Variants in PPFIA2 observed in about 807,000 individuals in gnomAD.
The protein encoded by PPFIA2 is liprin-alpha-2.
PPFIA2 carries 46 observed loss-of-function variants against 175.5 expected under a neutral mutation model. The observed-to-expected ratio is 0.26, with a 90% CI of 0.21 to 0.34. PPFIA2 has a LOEUF of 0.34. PPFIA2 is among the 10% of genes least tolerant of loss of function. The probability of loss-of-function intolerance (pLI) is 1.00; values close to 1 mark genes in which losing one functional copy is unlikely to be tolerated. For synonymous variants in PPFIA2, 568 were observed against 511.4 expected, an observed-to-expected ratio of 1.11 and a Z score of -1.49; for missense variants, 1,179 against 1,506.1, an observed-to-expected ratio of 0.78 and a Z score of 3.60.
chr12:81,644,222 G>C (rs767172500), intron 4 of PPFIA2, among the ~76,000 whole-genome samples: 1 of 151,838 alleles, frequency 6.6e-6, no homozygotes, highest in Non-Finnish European at 1.5e-5. Context: ...CTCAGTATGG[G>C]TAAATGATGC....
At position 81,327,731 on chromosome 12, in the gene PPFIA2, C is replaced by T. The variant is rs916905159; in HGVS notation, c.2549-1861G>A. Among the ~76,000 whole-genome samples the T allele has an allele frequency of 3.3e-5, 5 of 151,402 alleles. No homozygotes were observed. The East Asian group carries it at 9.7e-4, about 29-fold the overall frequency. Reference sequence around the variant, plus strand: ...TATGATTTAAATTTATTCATATACCCAAAATTTTAATAGAAAAAAATCACA... The same window carrying T: ...TATGATTTAAATTTATTCATATACCTAAAATTTTAATAGAAAAAAATCACA... On this transcript the variant is annotated intron_variant, in intron 21 of 32. Transcript: ENST00000549396.
intron 30 of PPFIA2, 54 bp downstream of exon 30, chr12:81,266,898 C>A: frequency 8.0e-7 from 1 of 1,252,162 alleles, no homozygotes; most frequent in South Asian, 1.3e-5. Context: ...CAAAGATGTT[C>A]TATCATTTTT....
chr12:81,506,953 CA>C (rs1480389464), intron 4 of PPFIA2, among the ~76,000 whole-genome samples: 1 of 152,224 alleles, frequency 6.6e-6, no homozygotes, highest in African/African-American at 2.4e-5. Flanking sequence ...CATGGTTACA[CA>C]AGAGAATAAG....
chr12:81,490,628 C>A (rs2059327389), intron 4 of PPFIA2, among the ~76,000 whole-genome samples: 1 of 151,914 alleles, frequency 6.6e-6, no homozygotes, highest in African/African-American at 2.4e-5. Context: ...GCCTTGACTG[C>A]AGGAGGAAAA....
Position 81,356,359 on chromosome 12 carries a change from A to G in PPFIA2, c.1773+1723T>C, listed in dbSNP as rs2060851555. On this transcript the variant is annotated intron_variant, in intron 16 of 32. Coordinates refer to ENST00000549396, the MANE Select transcript of PPFIA2 (RefSeq NM_003625.5). ...ATAACAGATATAATAATAATAATAA[A>G]AGTTTGAAATATTTCGAGAACTGGT... 3.3e-5 allele frequency among the ~76,000 whole-genome samples: 5 copies of G among 151,992 alleles called. No individual in the cohort carries two copies. In the South Asian group the frequency reaches 8.3e-4, roughly 25 times the overall value.
chr12:81,555,416 G>A (rs1389591391), intron 4 of PPFIA2, among the ~76,000 whole-genome samples: 1 of 151,886 alleles, frequency 6.6e-6, no homozygotes, highest in Non-Finnish European at 1.5e-5. Context: ...TTAGTCAAAT[G>A]ACATTTTATT....
chr12:81,611,259 G>A (rs2400957), intron 4 of PPFIA2, among the ~76,000 whole-genome samples: 10,073 of 152,076 alleles, frequency 0.066, 528 homozygotes, highest in East Asian at 0.31. Context: ...ATGCCGCACC[G>A]TTTATGAACC....
chr12:81,709,460 C>T (rs2077609951), intron 3 of PPFIA2, among the ~76,000 whole-genome samples: 1 of 151,918 alleles, frequency 6.6e-6, no homozygotes, highest in South Asian at 2.1e-4. Context: ...ATAATAACTG[C>T]CATAAACAAA....
At chr12:81,466,668 A>C (rs1254047450) in intron 4 of PPFIA2, among the ~76,000 whole-genome samples, 1 of 151,890 alleles carries the variant, frequency 6.6e-6, no homozygotes, top group Non-Finnish European at 1.5e-5. Context: ...GCTTGTTTTT[A>C]AACCCTGGAG....
intron 3 of PPFIA2, among the ~76,000 whole-genome samples, chr12:81,690,234 G>T (rs1264848877): frequency 6.6e-6 from 1 of 152,024 alleles, no homozygotes; most frequent in Non-Finnish European, 1.5e-5. Context: ...CTCAATTTTA[G>T]CTTTGGTCCA....
intron 21 of PPFIA2, among the ~76,000 whole-genome samples, chr12:81,328,240 T>G (rs1049153059): frequency 6.6e-6 from 1 of 152,102 alleles, no homozygotes; most frequent in Admixed American, 6.6e-5. Flanking sequence ...CCAGTGAGAG[T>G]CTGTCTCATT....
intron 4 of PPFIA2, among the ~76,000 whole-genome samples, chr12:81,588,427 G>A (rs1185386177): frequency 6.6e-6 from 1 of 151,944 alleles, no homozygotes; most frequent in Non-Finnish European, 1.5e-5. Flanking sequence ...CTCTGCTAAA[G>A]CCATTTCATC....
chr12:81,367,082 G>T, intron 14 of PPFIA2, 26 bp downstream of exon 14: 1 of 1,452,792 alleles, frequency 6.9e-7, no homozygotes, highest in South Asian at 1.4e-5. Context: ...TAGAAAATGG[G>T]CCCAAAACAT....
At chr12:81,579,440 C>T (rs751551411) in intron 4 of PPFIA2, among the ~76,000 whole-genome samples, 1 of 151,770 alleles carries the variant, frequency 6.6e-6, no homozygotes, top group South Asian at 2.1e-4. Flanking sequence ...TAGGAAGAGA[C>T]GAATATCATT....
intron 4 of PPFIA2, among the ~76,000 whole-genome samples, chr12:81,606,075 G>C (rs976261458): frequency 2.6e-5 from 4 of 151,816 alleles, no homozygotes; most frequent in African/African-American, 9.7e-5. Context: ...GCAGTATTTG[G>C]TTTTCTGTTT....
At position 81,453,869 on chromosome 12, in the gene PPFIA2, A is replaced by G. The variant is rs549867757; in HGVS notation, c.405+3896T>C. ...TCAGCTTTGACCTCAGAATAAAAACATAGCAGATTGACTTTCCACATGACT... is the reference window on the plus strand; with the variant it reads ...TCAGCTTTGACCTCAGAATAAAAACGTAGCAGATTGACTTTCCACATGACT... On this transcript the variant is annotated intron_variant, in intron 5 of 32. Transcript: ENST00000549396. Among the ~76,000 whole-genome samples, 5 of 152,316 alleles carry G rather than the reference A, an allele frequency of 3.3e-5. No homozygotes were observed. The South Asian group carries it at 1.0e-3, about 32-fold the overall frequency.
In PPFIA2 at chr12:81,261,850, T is replaced by C; in HGVS notation, c.*33+99A>G. Reference sequence around the variant, plus strand: ...CAAAAGGGTTATCTCATTTCTGTACTGCTAGGGCATACCAAAGAGTATAGT... The same window carrying C: ...CAAAAGGGTTATCTCATTTCTGTACCGCTAGGGCATACCAAAGAGTATAGT... On this transcript the variant is annotated intron_variant, in intron 32 of 32. Transcript: ENST00000549396. 8.0e-6 allele frequency: 6 copies of C among 751,542 alleles called. No homozygotes were observed. In the Middle Eastern group the frequency reaches 1.5e-3, roughly 183 times the overall value. 46.6% of individuals were successfully genotyped at this position (751,542 alleles called of 1,614,324 possible). A position where few individuals can be genotyped will look rare whatever the true frequency, so the allele number is the denominator to read the frequency against.
At chr12:81,686,756 T>C (rs1260070426) in intron 3 of PPFIA2, among the ~76,000 whole-genome samples, 5 of 152,122 alleles carry the variant, frequency 3.3e-5, no homozygotes, top group Non-Finnish European at 7.4e-5. Flanking sequence ...CTTACTCTGG[T>C]ATGCATATTC....
At chr12:81,754,903 C>G (rs1329755839) in intron 2 of PPFIA2, among the ~76,000 whole-genome samples, 1 of 151,978 alleles carries the variant, frequency 6.6e-6, no homozygotes, top group Admixed American at 6.6e-5. Flanking sequence ...GTGGTCTACC[C>G]AGAGCAGATA....
Sources: gnomAD v4.1 joint callset for allele counts (sites outside exome capture counted in the v4.1 genomes callset) on GRCh38, gnomAD v4.1.1 for gene constraint, MANE v1.5 for transcripts, NCBI Gene and HGNC (gene_info 2026-07-23, HGNC 2026-07-21) for gene names.